The following NBAS variants were observed in gnomAD, a reference collection of about 807,000 sequenced individuals.
NBAS encodes the protein NAG/BC035112 fusion.
A neutral mutation model predicts 302.5 loss-of-function variants in NBAS; 219 were observed. The ratio of observed to expected loss-of-function variants is 0.72; its 90% CI spans 0.65 to 0.81. The LOEUF (loss-of-function observed/expected upper bound fraction) is 0.81, where lower values mean the gene tolerates loss of function less well. Ranked by LOEUF, NBAS falls within the 30% of genes least tolerant of loss-of-function variation. The probability of loss-of-function intolerance (pLI) is 0.00; values close to 1 mark genes in which losing one functional copy is unlikely to be tolerated. For missense variants in NBAS, 2,932 were observed against 2,841.6 expected (o/e 1.03, Z -0.72); for synonymous variants, 1,118 against 1,021.6 (o/e 1.09, Z -1.80).
chr2:15,103,869 C>T, the NBAS span, among the ~76,000 whole-genome samples: 13 of 152,076 alleles, frequency 8.5e-5, no homozygotes, highest in Non-Finnish European at 1.3e-4. Context: ...CTGAAGACTG[C>T]GTAAGTCTAT....
intron 14 of NBAS, among the ~76,000 whole-genome samples, chr2:15,475,442 TATATC>T (rs1433293168): frequency 6.6e-6 from 1 of 152,090 alleles, no homozygotes; most frequent in Non-Finnish European, 1.5e-5. Flanking sequence ...AGGAAAAAAA[TATATC>T]ATTTCAGTGA....
At position 15,271,879 on chromosome 2, in the gene NBAS, C is replaced by T. The variant is rs114506627; in HGVS notation, c.5724+3605G>A. The stretch of plus-strand genomic sequence containing the variant: ...TGCTTATAACAGCTGAATTGACAAG[C>T]AATAGAGGAGCAACTCTAATCTGAT... On this transcript the variant is annotated intron_variant, in intron 44 of 51. Coordinates refer to ENST00000281513, the MANE Select transcript of NBAS (RefSeq NM_015909.4). 5.7e-3 allele frequency among the ~76,000 whole-genome samples: 870 copies of T among 152,158 alleles called. 10 individuals carry two copies. The highest frequency in any genetic ancestry group is 0.02 in the African/African-American group (840 of 41,502).
chr2:15,254,448 C>T lies in NBAS; in HGVS notation c.5725-15762G>A, dbSNP rs533903174. ...TTTGTGCAGTGGTAGAAAGTGATTACAAAGTGGTAGAAAGGTGATTACACA... is the reference window on the plus strand; with the variant it reads ...TTTGTGCAGTGGTAGAAAGTGATTATAAAGTGGTAGAAAGGTGATTACACA... On this transcript the variant is annotated intron_variant, in intron 44 of 51. Transcript: ENST00000281513. Among the ~76,000 whole-genome samples, 17 of 152,258 alleles carry T rather than the reference C, an allele frequency of 1.1e-4. No homozygotes were observed. In the East Asian group the frequency reaches 3.3e-3, roughly 29 times the overall value.
intron 12 of NBAS, among the ~76,000 whole-genome samples, chr2:15,480,377 G>GAAA (rs112925094): frequency 7.4e-6 from 1 of 135,302 alleles, no homozygotes; most frequent in African/African-American, 2.7e-5. Flanking sequence ...GAGACAAAAG[G>GAAA]AAAAAAAAAA....
intron 40 of NBAS, among the ~76,000 whole-genome samples, chr2:15,306,148 A>G (rs1314317624): frequency 6.6e-6 from 1 of 152,256 alleles, no homozygotes; most frequent in Non-Finnish European, 1.5e-5. Flanking sequence ...TAATCACTTC[A>G]GTCCCTTAAT....
chr2:14,805,842 T>C, the NBAS span, among the ~76,000 whole-genome samples: 1 of 152,218 alleles, frequency 6.6e-6, no homozygotes, highest in African/African-American at 2.4e-5. Context: ...AGTGCACCTC[T>C]ACTTTCAAGC....
At chr2:15,083,987 G>T in the NBAS span, among the ~76,000 whole-genome samples, 2 of 152,078 alleles carry the variant, frequency 1.3e-5, no homozygotes, top group Admixed American at 1.3e-4. Flanking sequence ...AAAAACTATA[G>T]AAAACATTTA....
intron 44 of NBAS, among the ~76,000 whole-genome samples, chr2:15,243,933 T>C (rs1667973631): frequency 6.6e-6 from 1 of 152,140 alleles, no homozygotes; most frequent in African/African-American, 2.4e-5. Context: ...AAGATTAAAA[T>C]GATTCAGGGA....
chr2:15,401,907 T>C (rs1676170684), intron 26 of NBAS, among the ~76,000 whole-genome samples: 1 of 143,030 alleles, frequency 7.0e-6, no homozygotes, highest in South Asian at 2.2e-4. Flanking sequence ...TATTTTTGTT[T>C]TTCAATAGGA....
At chr2:14,947,793 A>G in the NBAS span, among the ~76,000 whole-genome samples, 1 of 152,084 alleles carries the variant, frequency 6.6e-6, no homozygotes, top group Admixed American at 6.5e-5. Context: ...ATGTTCTTTT[A>G]TAACCAGTTT....
chr2:15,224,508 T>C (rs577943844), intron 47 of NBAS, among the ~76,000 whole-genome samples: 2 of 152,328 alleles, frequency 1.3e-5, no homozygotes, highest in South Asian at 4.1e-4. Context: ...GAAAGTAAAC[T>C]GGCAACCAGA....
At chr2:15,242,968 T>C (rs1327434592) in intron 44 of NBAS, among the ~76,000 whole-genome samples, 2 of 152,028 alleles carry the variant, frequency 1.3e-5, no homozygotes, top group Non-Finnish European at 2.9e-5. Context: ...TCATGGGAGA[T>C]AATATAGTGA....
At chr2:14,978,706 C>A in the NBAS span, among the ~76,000 whole-genome samples, 2 of 152,162 alleles carry the variant, frequency 1.3e-5, no homozygotes, top group Non-Finnish European at 2.9e-5. Flanking sequence ...AGTCACAGAG[C>A]AAGTAGTGGC....
intron 36 of NBAS, among the ~76,000 whole-genome samples, chr2:15,328,656 C>G (rs745323716): frequency 2.6e-5 from 4 of 152,158 alleles, no homozygotes; most frequent in Non-Finnish European, 4.4e-5. Context: ...TCAGAATAAC[C>G]ACTCGAAAAC....
At chr2:14,946,827 G>A in the NBAS span, among the ~76,000 whole-genome samples, 15 of 152,066 alleles carry the variant, frequency 9.9e-5, no homozygotes, top group Admixed American at 9.2e-4. Flanking sequence ...ATCATATCAA[G>A]TATTTTTTCT....
At chr2:15,190,223 C>T (rs778032804) in intron 49 of NBAS, 41 bp downstream of exon 49, 7 of 1,610,826 alleles carry the variant, frequency 4.3e-6, no homozygotes, top group African/African-American at 2.7e-5. Context: ...AAAGTCCAAA[C>T]AAAAGAACTC....
chr2:14,816,680 A>C, the NBAS span, among the ~76,000 whole-genome samples: 2 of 152,208 alleles, frequency 1.3e-5, no homozygotes, highest in Non-Finnish European at 2.9e-5. Flanking sequence ...TTAGGAGCAT[A>C]AGCCACATCA....
At chr2:14,998,952 A>G in the NBAS span, among the ~76,000 whole-genome samples, 1 of 152,270 alleles carries the variant, frequency 6.6e-6, no homozygotes, top group East Asian at 1.9e-4. Context: ...ATTAGTCCTA[A>G]TTAATGTTCA....
chr2:15,509,811 TAACATGGTA>T (rs1376815069), intron 10 of NBAS, among the ~76,000 whole-genome samples: 2 of 152,074 alleles, frequency 1.3e-5, no homozygotes, highest in Non-Finnish European at 2.9e-5. Context: ...GCCCACTAGG[TAACATGGTA>T]AACCCAAGCT....
Sources: allele counts gnomAD v4.1 joint callset (sites outside exome capture counted in the v4.1 genomes callset), GRCh38; gene constraint gnomAD v4.1.1; transcripts MANE v1.5; gene names NCBI Gene and HGNC (gene_info 2026-07-23, HGNC 2026-07-21).